DDX10: variants seen among roughly 807,000 people sequenced by gnomAD.
DDX10 encodes the protein probable ATP-dependent RNA helicase DDX10.
Under a neutral mutation model 104.3 loss-of-function variants are expected in DDX10, and 74 were observed. That is an observed-to-expected ratio of 0.71 (90% CI 0.59 to 0.86). The LOEUF is 0.86. DDX10 is among the 40% of genes least tolerant of loss of function. DDX10 has a pLI of 0.00. For synonymous variants in DDX10, 351 were observed against 353.4 expected, an observed-to-expected ratio of 0.99 and a Z score of 0.08; for missense variants, 952 against 1,040.0, an observed-to-expected ratio of 0.92 and a Z score of 1.16.
intron 14 of DDX10, 127 bp from the exon 15 acceptor site, chr11:108,841,188 T>A (rs769210709): frequency 1.1e-5 from 8 of 731,386 alleles, no homozygotes; most frequent in Non-Finnish European, 1.3e-5. Flanking sequence ...GAAGATTAAA[T>A]AATACAGATT....
rs1458697910 is a variant in DDX10 at position 108,673,528 on chromosome 11, G to C, written c.247+1G>C. Reference sequence around the variant, plus strand: ...CCCTTGTCCAAAAAAACATTGAAAGGTAAGTATATGGTGATCTTGGGATGT... The same window carrying C: ...CCCTTGTCCAAAAAAACATTGAAAGCTAAGTATATGGTGATCTTGGGATGT... On this transcript the variant is annotated splice_donor_variant, in intron 2 of 17. Coordinates refer to ENST00000322536, the MANE Select transcript of DDX10 (RefSeq NM_004398.4). LOFTEE classifies it high-confidence loss of function. The C allele has an allele frequency of 1.3e-6, 2 of 1,583,908 alleles. No homozygotes were observed. The highest frequency in any genetic ancestry group is 2.7e-5 in the African/African-American group (2 of 74,148).
intron 13 of DDX10, among the ~76,000 whole-genome samples, chr11:108,788,041 G>GT (rs1318548722): frequency 2.6e-5 from 4 of 152,198 alleles, no homozygotes; most frequent in Non-Finnish European, 5.9e-5. Flanking sequence ...CTTCTGGATT[G>GT]TTTTACTGTA....
intron 4 of DDX10, among the ~76,000 whole-genome samples, chr11:108,677,491 A>G (rs915806580): frequency 7.9e-5 from 12 of 151,864 alleles, no homozygotes; most frequent in African/African-American, 2.9e-4. Flanking sequence ...TATTTACTCT[A>G]ATCCTGTAAA....
At chr11:108,810,993 C>T (rs1862172351) in intron 13 of DDX10, among the ~76,000 whole-genome samples, 3 of 152,132 alleles carry the variant, frequency 2.0e-5, no homozygotes, top group South Asian at 2.1e-4. Flanking sequence ...TTTTCCTTGT[C>T]TATCTCCAGT....
At chr11:108,688,165 A>G (rs1025672986) in intron 6 of DDX10, among the ~76,000 whole-genome samples, 11 of 152,192 alleles carry the variant, frequency 7.2e-5, no homozygotes, top group Admixed American at 7.2e-4. Flanking sequence ...TGCTTCATAA[A>G]TAATGCCATA....
chr11:108,768,064 T>G (rs539538299), intron 13 of DDX10: 2 of 152,254 alleles, frequency 1.3e-5, no homozygotes, highest in Non-Finnish European at 2.9e-5. Context: ...TAGCTTACTT[T>G]ATTGTAAGAC....
At chr11:108,887,193 C>G (rs969056363) in intron 16 of DDX10, among the ~76,000 whole-genome samples, 1 of 152,062 alleles carries the variant, frequency 6.6e-6, no homozygotes, top group African/African-American at 2.4e-5. Context: ...AATGGGAATA[C>G]TTTATTGCCA....
chr11:108,870,490 A>ACT (rs1863066230), intron 16 of DDX10, among the ~76,000 whole-genome samples: 1 of 152,004 alleles, frequency 6.6e-6, no homozygotes, highest in Admixed American at 6.6e-5. Flanking sequence ...TCTGTCACTA[A>ACT]CTCTCTTAAC....
chr11:108,690,035 G>A (rs1386594495), intron 7 of DDX10, among the ~76,000 whole-genome samples: 1 of 151,122 alleles, frequency 6.6e-6, no homozygotes, highest in African/African-American at 2.4e-5. Flanking sequence ...GGGCAAGATG[G>A]CGACACCCTG....
At chr11:108,928,093 C>G (rs934864879) in intron 17 of DDX10, among the ~76,000 whole-genome samples, 2 of 152,134 alleles carry the variant, frequency 1.3e-5, no homozygotes, top group African/African-American at 4.8e-5. Context: ...GAGAGGTCTT[C>G]CTATTCATGG....
intron 13 of DDX10, among the ~76,000 whole-genome samples, chr11:108,755,459 A>G (rs1271888131): frequency 6.6e-6 from 1 of 152,090 alleles, no homozygotes; most frequent in Non-Finnish European, 1.5e-5. Flanking sequence ...ATTGGAACAC[A>G]GACATACTCA....
At chr11:108,682,950 G>C (rs2094237648) in intron 6 of DDX10, among the ~76,000 whole-genome samples, 1 of 151,976 alleles carries the variant, frequency 6.6e-6, no homozygotes. Context: ...TCATCTGACA[G>C]TTCTCTTGTT....
At chr11:108,763,916 A>G (rs2094353587) in intron 13 of DDX10, among the ~76,000 whole-genome samples, 1 of 152,200 alleles carries the variant, frequency 6.6e-6, no homozygotes, top group Non-Finnish European at 1.5e-5. Context: ...ACAGGTTTCA[A>G]ATTACTTACA....
chr11:108,918,072 T>TTTGGATTCA, intron 17 of DDX10, 54 bp downstream of exon 17: 1 of 1,553,664 alleles, frequency 6.4e-7, no homozygotes, highest in Middle Eastern at 1.7e-4. Context: ...ACATCAGTCT[T>TTTGGATTCA]TTAATGAATC....
At chr11:108,748,463 C>T (rs1299243223) in intron 13 of DDX10, among the ~76,000 whole-genome samples, 1 of 152,168 alleles carries the variant, frequency 6.6e-6, no homozygotes, top group East Asian at 1.9e-4. Context: ...CCATATCCAA[C>T]AATTGCAGAA....
intron 17 of DDX10, among the ~76,000 whole-genome samples, chr11:108,925,555 T>C (rs186145556): frequency 2.6e-5 from 4 of 152,296 alleles, no homozygotes; most frequent in Admixed American, 2.0e-4. Flanking sequence ...AGGATGTTTC[T>C]TTTTGTCATT....
At chr11:108,720,900 T>TG (rs1336088759) in intron 12 of DDX10, among the ~76,000 whole-genome samples, 1 of 149,540 alleles carries the variant, frequency 6.7e-6, no homozygotes, top group Non-Finnish European at 1.5e-5. Flanking sequence ...GCCGGGTTTT[T>TG]TTTTTTTTTT....
intron 10 of DDX10, among the ~76,000 whole-genome samples, chr11:108,714,074 T>A (rs981696237): frequency 6.6e-6 from 1 of 152,218 alleles, no homozygotes; most frequent in African/African-American, 2.4e-5. Flanking sequence ...CTCAGGCATA[T>A]TTCAAAATGG....
intron 1 of DDX10, among the ~76,000 whole-genome samples, chr11:108,669,045 TG>T (rs1258723296): frequency 6.6e-6 from 1 of 151,842 alleles, no homozygotes. Flanking sequence ...GATTTCATTG[TG>T]GTGCATACAA....
Sources: gnomAD v4.1 joint callset for allele counts (sites outside exome capture counted in the v4.1 genomes callset) on GRCh38, gnomAD v4.1.1 for gene constraint, MANE v1.5 for transcripts, NCBI Gene and HGNC (gene_info 2026-07-23, HGNC 2026-07-21) for gene names.